The following NAT1 variants were observed in gnomAD, a reference collection of about 807,000 sequenced individuals.
NAT1 encodes the protein N-acetyltransferase 1.
For synonymous variants in NAT1, 144 were observed against 122.6 expected, an observed-to-expected ratio of 1.17 and a Z score of -1.16; for missense variants, 400 against 339.2, an observed-to-expected ratio of 1.18 and a Z score of -1.41.
intron 1 of NAT1, among the ~76,000 whole-genome samples, chr8:18,216,328 C>T (rs569610213): frequency 4.6e-5 from 7 of 152,170 alleles, no homozygotes; most frequent in Non-Finnish European, 7.3e-5. Flanking sequence ...TAAATATCCT[C>T]TCTCTTTCCA....
chr8:18,179,475 T>G (rs1447497990), intron 2 of NAT1, among the ~76,000 whole-genome samples: 1 of 152,178 alleles, frequency 6.6e-6, no homozygotes, highest in African/African-American at 2.4e-5. Context: ...CACCTTCACT[T>G]TTTTCCACTT....
rs573376886 is a variant in NAT1 at position 18,210,810 on chromosome 8, C to T, written c.-86+630C>T. ...GTTTTTTTGAGGCAGAGCCTTGCCCCATTGCCCAGGCTGGAGTGCAGTGGC... is the reference window on the plus strand; with the variant it reads ...GTTTTTTTGAGGCAGAGCCTTGCCCTATTGCCCAGGCTGGAGTGCAGTGGC... On this transcript the variant is annotated intron_variant, in intron 1 of 2. Transcript: ENST00000307719. Among the ~76,000 whole-genome samples, 5 of 152,216 alleles carry T rather than the reference C, an allele frequency of 3.3e-5. No homozygotes were observed. The South Asian group carries it at 1.0e-3, about 32-fold the overall frequency.
At chr8:18,181,890 G>A (rs1213093853) in intron 2 of NAT1, among the ~76,000 whole-genome samples, 1 of 152,180 alleles carries the variant, frequency 6.6e-6, no homozygotes, top group Non-Finnish European at 1.5e-5. Flanking sequence ...CTCTGTCCCA[G>A]GGAAGGTCTA....
chr8:18,215,243 A>G (rs555332133), intron 1 of NAT1, among the ~76,000 whole-genome samples: 1 of 152,194 alleles, frequency 6.6e-6, no homozygotes, highest in Admixed American at 6.5e-5. Flanking sequence ...TGTCTTTGCT[A>G]TTGTGAATAG....
At chr8:18,214,329 A>G (rs1174558565) in intron 1 of NAT1, among the ~76,000 whole-genome samples, 1 of 152,136 alleles carries the variant, frequency 6.6e-6, no homozygotes, top group African/African-American at 2.4e-5. Flanking sequence ...TGCATTTCTC[A>G]AGCTCTTTTA....
Position 18,213,308 on chromosome 8 carries a change from A to C in NAT1, c.-86+3128A>C, listed in dbSNP as rs142628815. On this transcript the variant is annotated intron_variant, in intron 1 of 2. Transcript: ENST00000307719. ...ACTTTAGACAGGGAATGCACTCTCCAATTACCTTCAACTGCTACCTCTCCT... is the reference window on the plus strand; with the variant it reads ...ACTTTAGACAGGGAATGCACTCTCCCATTACCTTCAACTGCTACCTCTCCT... 4.5e-3 allele frequency among the ~76,000 whole-genome samples: 688 copies of C among 152,148 alleles called. 2 individuals carry two copies. The highest frequency in any genetic ancestry group is 0.015 in the African/African-American group (611 of 41,520).
intron 2 of NAT1, among the ~76,000 whole-genome samples, chr8:18,198,373 G>C (rs754817315): frequency 6.6e-6 from 1 of 152,140 alleles, no homozygotes; most frequent in Non-Finnish European, 1.5e-5. Context: ...AATGGTGTTT[G>C]TTCAACTACA....
At chr8:18,177,568 C>A (rs1374956332) in intron 2 of NAT1, among the ~76,000 whole-genome samples, 1 of 152,022 alleles carries the variant, frequency 6.6e-6, no homozygotes. Flanking sequence ...CCATTGTATA[C>A]AATAATGGGT....
intron 1 of NAT1, among the ~76,000 whole-genome samples, chr8:18,217,511 C>A (rs1804805104): frequency 6.6e-6 from 1 of 152,166 alleles, no homozygotes; most frequent in Non-Finnish European, 1.5e-5. Flanking sequence ...AAATTAAATC[C>A]ACTAAATCAG....
At chr8:18,179,676 C>T (rs1802431937) in intron 2 of NAT1, among the ~76,000 whole-genome samples, 1 of 151,960 alleles carries the variant, frequency 6.6e-6, no homozygotes, top group Admixed American at 6.6e-5. Context: ...GTTTCAGAGG[C>T]GTGGGAGACA....
chr8:18,192,607 T>C (rs1321503487), intron 2 of NAT1, among the ~76,000 whole-genome samples: 5 of 152,020 alleles, frequency 3.3e-5, no homozygotes, highest in African/African-American at 1.2e-4. Context: ...CCAACAATGA[T>C]AGACTGGATT....
At position 18,223,111 on chromosome 8, in the gene NAT1, AAATAAT is replaced by A. The variant is rs567144265; in HGVS notation, c.*209_*214del. 6 of 226,026 alleles carry A rather than the reference AAATAAT, an allele frequency of 2.7e-5. 1 individual carries two copies. Among genetic ancestry groups the A allele is most frequent in the Admixed American group, 5.8e-5 (1 of 17,158 alleles). The allele number at this position is 226,026 out of a possible 1,614,324, so 14.0% of individuals were successfully genotyped here. ...AAGAAACATAACCACAAACCTTTTC[AAATAAT>A]AATAATAATAATAATAAAAAATGTA... On this transcript the variant is annotated 3_prime_UTR_variant, in exon 3 of 3. Transcript: ENST00000307719.
intron 1 of NAT1, among the ~76,000 whole-genome samples, chr8:18,211,573 G>A (rs767440912): frequency 1.8e-4 from 27 of 152,240 alleles, no homozygotes; most frequent in Non-Finnish European, 3.8e-4. Context: ...TTCTGGCCTG[G>A]TGCAAGTAAC....
intron 2 of NAT1, among the ~76,000 whole-genome samples, chr8:18,175,199 CT>C (rs947484440): frequency 5.4e-4 from 81 of 150,384 alleles, no homozygotes; most frequent in East Asian, 3.5e-3. Context: ...CACCTTATTG[CT>C]TTTTTTTTGG....
chr8:18,198,150 A>T (rs1803311202), intron 2 of NAT1, among the ~76,000 whole-genome samples: 2 of 111,324 alleles, frequency 1.8e-5, no homozygotes, highest in South Asian at 5.5e-4. Flanking sequence ...AACAGCAGAG[A>T]CTTTCCAATC....
chr8:18,173,148 A>G (rs1189181694), intron 2 of NAT1, among the ~76,000 whole-genome samples: 87 of 88,122 alleles, frequency 9.9e-4, no homozygotes, highest in African/African-American at 4.4e-3. Context: ...ACAGAGATGC[A>G]CACACACACA....
chr8:18,206,420 C>T (rs28741073), upstream of NAT1, among the ~76,000 whole-genome samples: 86 of 152,284 alleles, frequency 5.6e-4, 1 homozygote, highest in East Asian at 0.013. Flanking sequence ...ATCTTGCCCC[C>T]GCTCAAAAAC....
intron 2 of NAT1, among the ~76,000 whole-genome samples, chr8:18,190,484 A>G (rs1041102512): frequency 3.9e-5 from 6 of 152,228 alleles, no homozygotes; most frequent in Non-Finnish European, 7.3e-5. Flanking sequence ...CCCTACATGC[A>G]TTCATTTTCA....
intron 2 of NAT1, among the ~76,000 whole-genome samples, chr8:18,190,465 T>C (rs1299361522): frequency 2.0e-5 from 3 of 152,242 alleles, no homozygotes; most frequent in Non-Finnish European, 4.4e-5. Flanking sequence ...GAAGAGTGTT[T>C]CCTCTTTACC....
Sources: allele counts gnomAD v4.1 joint callset (sites outside exome capture counted in the v4.1 genomes callset), GRCh38; gene constraint gnomAD v4.1.1; transcripts MANE v1.5; gene names NCBI Gene and HGNC (gene_info 2026-07-23, HGNC 2026-07-21).